The following TXNRD3 variants were observed in gnomAD, a reference collection of about 807,000 sequenced individuals.
TXNRD3 encodes TXNRD3 neighbor gene protein.
In TXNRD3, 68 loss-of-function variants were observed where a neutral mutation model predicts 78.2. That is an observed-to-expected ratio of 0.87 (90% confidence interval 0.72 to 1.06). The LOEUF (loss-of-function observed/expected upper bound fraction) is 1.06, where lower values mean the gene tolerates loss of function less well. TXNRD3 is among the 50% of genes least tolerant of loss of function. The pLI is 0.00. For synonymous variants in TXNRD3, 296 were observed against 300.1 expected, an observed-to-expected ratio of 0.99 and a Z score of 0.14; for missense variants, 751 against 809.5, an observed-to-expected ratio of 0.93 and a Z score of 0.88.
At position 126,647,228 on chromosome 3, in the gene TXNRD3, C is replaced by T. The variant is rs952591374; in HGVS notation, c.304+8G>A. ...TAAACAACACTATGTTGTAACTGGT[C>T]TACTTACCAACTTGATCAAGTTCCA... On this transcript the variant is annotated splice_region_variant and intron_variant, in intron 2 of 15. Coordinates refer to ENST00000524230, the MANE Select transcript of TXNRD3 (RefSeq NM_052883.3). The T allele has an allele frequency of 1.3e-5, 20 of 1,532,460 alleles. No homozygotes were observed. The Admixed American group carries it at 3.9e-4, about 30-fold the overall frequency. 94.9% of individuals were successfully genotyped at this position (1,532,460 alleles called of 1,614,324 possible).
At chr3:126,633,300 C>G (rs1938768590) in intron 7 of TXNRD3, among the ~76,000 whole-genome samples, 1 of 152,118 alleles carries the variant, frequency 6.6e-6, no homozygotes, top group Non-Finnish European at 1.5e-5. Flanking sequence ...TCTGAGATAA[C>G]AGCTGAATAC....
chr3:126,639,755 G>C (rs1430985218), intron 6 of TXNRD3, among the ~76,000 whole-genome samples: 1 of 151,856 alleles, frequency 6.6e-6, no homozygotes, highest in African/African-American at 2.4e-5. Context: ...ATTTTTTGTA[G>C]AGTAATTTTT....
chr3:126,646,148 T>G lies in TXNRD3; in HGVS notation c.377A>C (p.Asn126Thr). 1 of 1,534,142 alleles carries G rather than the reference T, an allele frequency of 6.5e-7. No homozygotes were observed. Among genetic ancestry groups the G allele is most frequent in the Middle Eastern group, 1.7e-4 (1 of 5,982 alleles). ...GTCACATCCACCTACATGCACTTTA[T>G]TCACGAAAATATTGGGCACAGTTTT... is the stretch of plus-strand genomic sequence containing the variant. Residue 126 changes from asparagine to threonine, a missense_variant, in exon 3 of 16, where the codon AAT (asparagine) becomes ACT (threonine). By Grantham distance (65) the Asn-to-Thr change is moderately conservative. Transcript: ENST00000524230.
chr3:126,648,203 G>A (rs986151133), intron 1 of TXNRD3, among the ~76,000 whole-genome samples: 1 of 152,162 alleles, frequency 6.6e-6, no homozygotes, highest in Non-Finnish European at 1.5e-5. Context: ...AACCACAAAT[G>A]TTGCTGAAAG....
intron 13 of TXNRD3, among the ~76,000 whole-genome samples, chr3:126,612,137 C>T (rs550464096): frequency 2.6e-5 from 4 of 152,126 alleles, no homozygotes; most frequent in Admixed American, 1.3e-4. Context: ...TGCCCAGGTT[C>T]GAGCGATCCT....
intron 10 of TXNRD3, among the ~76,000 whole-genome samples, chr3:126,624,191 A>G (rs1054347275): frequency 6.6e-6 from 1 of 152,202 alleles, no homozygotes; most frequent in Non-Finnish European, 1.5e-5. Flanking sequence ...GACTATGGAA[A>G]AAAGACAATT....
In TXNRD3 at chr3:126,655,068, C is replaced by G. The variant is rs1248969859; in HGVS notation, c.-78G>C. Reference sequence around the variant, plus strand: ...GGCGGCTGCGGCGCCGGGACGGGGCCTGAGGGGCGGCGAACGCTGCCCTCG... The same window carrying G: ...GGCGGCTGCGGCGCCGGGACGGGGCGTGAGGGGCGGCGAACGCTGCCCTCG... On this transcript the variant is annotated 5_prime_UTR_variant, in exon 1 of 16. Transcript: ENST00000524230. 2 of 1,299,890 alleles carry G rather than the reference C, an allele frequency of 1.5e-6. No individual in the cohort carries two copies. Among genetic ancestry groups the G allele is most frequent in the Non-Finnish European group, 2.0e-6 (2 of 1,025,332 alleles). The allele number at this position is 1,299,890 out of a possible 1,614,324, so 80.5% of individuals were successfully genotyped here.
intron 13 of TXNRD3, among the ~76,000 whole-genome samples, chr3:126,612,241 T>G (rs1002844853): frequency 6.6e-6 from 1 of 152,112 alleles, no homozygotes; most frequent in African/African-American, 2.4e-5. Context: ...TGTCGCCATG[T>G]TGCCCCAGCT....
chr3:126,624,829 CAT>C (rs1323717644), intron 10 of TXNRD3: 2 of 202,710 alleles, frequency 9.9e-6, no homozygotes, highest in African/African-American at 2.3e-5. Context: ...ATCCATAACA[CAT>C]GTGATGAGGT....
Position 126,641,894 on chromosome 3 carries a change from G to T in TXNRD3, c.712+138C>A. 6.3e-6 allele frequency: 7 copies of T among 1,112,958 alleles called. No individual in the cohort carries two copies. The South Asian group carries it at 9.0e-5, about 14-fold the overall frequency. 68.9% of individuals were successfully genotyped at this position (1,112,958 alleles called of 1,614,324 possible). On this transcript the variant is annotated intron_variant, in intron 6 of 15. Transcript: ENST00000524230. ...GGGCCCTTTTGCATCCTCTGTGCCT[G>T]GCTGACACAGTAGCTTCCTAATGAA...
intron 6 of TXNRD3, among the ~76,000 whole-genome samples, chr3:126,640,576 G>A (rs891987935): frequency 2.0e-5 from 3 of 151,972 alleles, no homozygotes; most frequent in African/African-American, 4.8e-5. Flanking sequence ...AAATGTGCAC[G>A]TACACTGCCC....
intron 12 of TXNRD3, among the ~76,000 whole-genome samples, chr3:126,621,050 C>A (rs926566222): frequency 5.3e-5 from 8 of 152,294 alleles, no homozygotes; most frequent in Middle Eastern, 3.4e-3. Context: ...TTAGCACGAG[C>A]CAAGCACTAC....
chr3:126,610,605 T>C (rs562033834), intron 14 of TXNRD3, among the ~76,000 whole-genome samples: 1 of 152,234 alleles, frequency 6.6e-6, no homozygotes, highest in Admixed American at 6.5e-5. Context: ...ATAAAATGCA[T>C]ACATACAACT....
chr3:126,629,650 T>C (rs1938665532), intron 9 of TXNRD3, among the ~76,000 whole-genome samples, 179 bp from the exon 10 acceptor site: 1 of 152,220 alleles, frequency 6.6e-6, no homozygotes, highest in African/African-American at 2.4e-5. Context: ...GTCACAGATA[T>C]ATTTTGGAGG....
intron 2 of TXNRD3, 108 bp downstream of exon 2, chr3:126,647,128 A>C: frequency 1.2e-6 from 1 of 841,614 alleles, no homozygotes; most frequent in South Asian, 2.2e-5. Flanking sequence ...AAAATGCCTC[A>C]TTTAACCCGA....
chr3:126,614,156 G>T (rs1162758452), intron 13 of TXNRD3, among the ~76,000 whole-genome samples: 1 of 152,144 alleles, frequency 6.6e-6, no homozygotes, highest in African/African-American at 2.4e-5. Context: ...AAATTATTTT[G>T]TACAGCTCTA....
Position 126,621,726 on chromosome 3 carries a change from A to C in TXNRD3, c.1524+16T>G. 1 of 1,481,232 alleles carries C rather than the reference A, an allele frequency of 6.8e-7. No individual in the cohort carries two copies. Among genetic ancestry groups the C allele is most frequent in the Non-Finnish European group, 8.9e-7 (1 of 1,125,670 alleles). The allele number at this position is 1,481,232 out of a possible 1,614,324, so 91.8% of individuals were successfully genotyped here. ...TCTTGATCAGGACATTATCTCAAAA[A>C]CAGTAAGAAACTTACCTTTTCTAAA... On this transcript the variant is annotated intron_variant, in intron 12 of 15. Transcript: ENST00000524230.
At chr3:126,616,795 A>C (rs529684914) in intron 12 of TXNRD3, among the ~76,000 whole-genome samples, 102 of 152,318 alleles carry the variant, frequency 6.7e-4, no homozygotes, top group Middle Eastern at 3.4e-3. Context: ...CGTATCCCCC[A>C]AATCAATGAG....
intron 1 of TXNRD3, among the ~76,000 whole-genome samples, chr3:126,653,403 G>GA (rs1325357316): frequency 1.3e-5 from 2 of 152,140 alleles, no homozygotes; most frequent in African/African-American, 4.8e-5. Context: ...CAAAAGGCCT[G>GA]AAAAAAATGA....
Sources: gnomAD v4.1 joint callset for allele counts (sites outside exome capture counted in the v4.1 genomes callset) on GRCh38, gnomAD v4.1.1 for gene constraint, MANE v1.5 for transcripts, NCBI Gene and HGNC (gene_info 2026-07-23, HGNC 2026-07-21) for gene names.